Variants in PRKCD observed in about 807,000 individuals in gnomAD.
PRKCD encodes protein kinase C delta.
Under a neutral mutation model 82.2 loss-of-function variants are expected in PRKCD, and 20 were observed. The ratio of observed to expected loss-of-function variants is 0.24; its 90% CI spans 0.17 to 0.35. The LOEUF (loss-of-function observed/expected upper bound fraction) is 0.35, where lower values mean the gene tolerates loss of function less well. Among genes scored for constraint, PRKCD ranks in the 10% least tolerant of loss-of-function variants. The probability of loss-of-function intolerance (pLI) is 1.00; values close to 1 mark genes in which losing one functional copy is unlikely to be tolerated. For missense variants in PRKCD, 607 were observed against 899.0 expected, an observed-to-expected ratio of 0.68 and a Z score of 4.15; for synonymous variants, 317 against 337.0, an observed-to-expected ratio of 0.94 and a Z score of 0.65.
chr3:53,178,371 C>CGGCCGCCT, intron 2 of PRKCD, 33 bp from the exon 3 acceptor site: 3 of 1,505,072 alleles, frequency 2.0e-6, no homozygotes, highest in Non-Finnish European at 2.7e-6. Context: ...TGGTCCCGCC[C>CGGCCGCCT]GGCCGCCTGG....
At chr3:53,172,810 C>A (rs573294055) in intron 2 of PRKCD, among the ~76,000 whole-genome samples, 67 of 152,212 alleles carry the variant, frequency 4.4e-4, no homozygotes, top group Non-Finnish European at 8.5e-4. Flanking sequence ...TCACACACCT[C>A]CCCGCCAGCA....
chr3:53,179,297 T>C (rs1703332323), intron 3 of PRKCD, among the ~76,000 whole-genome samples: 1 of 152,224 alleles, frequency 6.6e-6, no homozygotes, highest in Admixed American at 6.5e-5. Flanking sequence ...GCAGGAGCTG[T>C]CAGCCCATGT....
intron 17 of PRKCD, 101 bp downstream of exon 17, chr3:53,189,347 A>C: frequency 7.8e-7 from 1 of 1,277,004 alleles, no homozygotes; most frequent in East Asian, 2.5e-5. Context: ...CTGGAATGGC[A>C]GCCTCAGTGG....
Position 53,189,897 on chromosome 3 carries a change from A to T in PRKCD, c.1768A>T (p.Arg590Trp). 1 of 1,614,222 alleles carries T rather than the reference A, an allele frequency of 6.2e-7. No individual in the cohort carries two copies. Among genetic ancestry groups the T allele is most frequent in the Non-Finnish European group, 8.5e-7 (1 of 1,180,038 alleles). ...GCTCTTTGAAAGGGAACCAACCAAG[A>T]GGCTGGGAGTGACCGGAAACATCAA... ...EKLFEREPTK[R>W]LGVTGNIKIH... The change falls in exon 18 of 19, where the codon AGG becomes TGG. Residue 590 changes from arginine (R) to tryptophan (W), a missense_variant. Coordinates refer to ENST00000330452, the MANE Select transcript of PRKCD (RefSeq NM_006254.4).
In PRKCD at chr3:53,181,941, C is replaced by T. The variant is rs563235848; in HGVS notation, c.571+209C>T. The T allele has an allele frequency of 1.7e-4, 133 of 765,894 alleles. No homozygotes were observed. In the East Asian group the frequency reaches 2.5e-3, roughly 14 times the overall value. The allele number at this position is 765,894 out of a possible 1,614,324, so 47.4% of individuals were successfully genotyped here. A position where few individuals can be genotyped will look rare whatever the true frequency, so the allele number is the denominator to read the frequency against. On this transcript the variant is annotated intron_variant, in intron 7 of 18. Coordinates refer to ENST00000330452, the MANE Select transcript of PRKCD (RefSeq NM_006254.4). ...AGTTCTGCGCATCTCTTCCCAGCTCCGCATTCAGTGACGGGGAGTTGGTGG... is the reference window on the plus strand; with the variant it reads ...AGTTCTGCGCATCTCTTCCCAGCTCTGCATTCAGTGACGGGGAGTTGGTGG...
intron 4 of PRKCD, 124 bp downstream of exon 4, chr3:53,179,900 C>T: frequency 8.0e-7 from 1 of 1,249,510 alleles, no homozygotes; most frequent in African/African-American, 1.5e-5. Context: ...GAGCACCGGG[C>T]CCTGTGCTGG....
chr3:53,186,169 G>A lies in PRKCD; in HGVS notation c.1089G>A (p.Val363=), dbSNP rs1553669001. The part of the protein sequence containing the change: ...KVLGKGSFGK[V]LLGELKGRGE... ...CAGCACCCGTGTCTCCCCATCAGGT[G>A]CTGCTTGGAGAGCTGAAGGGCAGAG... is the stretch of plus-strand genomic sequence containing the variant. Residue 363 remains valine (V), a splice_region_variant and synonymous_variant, in exon 13 of 19, where the codon GTG becomes GTA. Coordinates refer to ENST00000330452, the MANE Select transcript of PRKCD (RefSeq NM_006254.4). The A allele has an allele frequency of 6.2e-7, 1 of 1,613,540 alleles. No individual in the cohort carries two copies. Among genetic ancestry groups the A allele is most frequent in the Non-Finnish European group, 8.5e-7 (1 of 1,179,682 alleles).
At chr3:53,181,099 G>C in intron 4 of PRKCD, 108 bp from the exon 5 acceptor site, 3 of 1,227,378 alleles carry the variant, frequency 2.4e-6, no homozygotes, top group Non-Finnish European at 2.3e-6. Context: ...AGGCCTTGGG[G>C]GGCTGCCTTG....
Position 53,163,495 on chromosome 3 carries a change from G to T in PRKCD, c.-131-1609G>T, listed in dbSNP as rs116592783. Among the ~76,000 whole-genome samples, 856 of 152,146 alleles carry T rather than the reference G, an allele frequency of 5.6e-3. 7 individuals are homozygous for T. The highest frequency in any genetic ancestry group is 0.019 in the African/African-American group (809 of 41,490). ...CCAAGACCTCGGGCTCTGTACCCAA[G>T]AATTATTTGGGCTCCAATACTTGCT... On this transcript the variant is annotated intron_variant, in intron 1 of 18. Transcript: ENST00000330452.
Position 53,186,182 on chromosome 3 carries a change from C to A in PRKCD, c.1102C>A (p.Leu368Met). 1.2e-6 allele frequency: 2 copies of A among 1,613,912 alleles called. No individual in the cohort carries two copies. Among genetic ancestry groups the A allele is most frequent in the Non-Finnish European group, 1.7e-6 (2 of 1,179,880 alleles). Residue 368 changes from leucine to methionine, a missense_variant, in exon 13 of 19, where the codon CTG (leucine) becomes ATG (methionine). Transcript: ENST00000330452. ...GSFGKVLLGE[L>M]KGRGEYFAIK... ...TCCCCATCAGGTGCTGCTTGGAGAG[C>A]TGAAGGGCAGAGGAGAGTACTTTGC...
intron 8 of PRKCD, 35 bp downstream of exon 8, chr3:53,183,241 G>A: frequency 2.5e-6 from 4 of 1,609,282 alleles, no homozygotes; most frequent in East Asian, 2.2e-5. Context: ...TGGGGATCTG[G>A]GGGGCTTGGC....
chr3:53,165,843 C>T (rs1382234714), intron 2 of PRKCD, among the ~76,000 whole-genome samples: 3 of 152,304 alleles, frequency 2.0e-5, no homozygotes, highest in East Asian at 1.9e-4. Context: ...TCTTTGAATC[C>T]CCTCAGAAAG....
chr3:53,184,090 T>C (rs1364255095), intron 9 of PRKCD, among the ~76,000 whole-genome samples: 1 of 152,092 alleles, frequency 6.6e-6, no homozygotes, highest in African/African-American at 2.4e-5. Flanking sequence ...CCCAGCACTT[T>C]GGGAGGCCGA....
intron 2 of PRKCD, among the ~76,000 whole-genome samples, chr3:53,165,961 C>T (rs1553663781): frequency 1.3e-5 from 2 of 152,150 alleles, no homozygotes; most frequent in East Asian, 1.9e-4. Context: ...ACTGGGTGAC[C>T]GGGCCCCAGT....
In PRKCD at chr3:53,183,164, C is replaced by G. The variant is rs782677594; in HGVS notation, c.615C>G (p.Ile205Met). The G allele has an allele frequency of 6.2e-7, 1 of 1,614,214 alleles. No individual in the cohort carries two copies. Among genetic ancestry groups the G allele is most frequent in the Non-Finnish European group, 8.5e-7 (1 of 1,180,034 alleles). The change falls in exon 8 of 19, where the codon ATC becomes ATG. Residue 205 changes from isoleucine (I) to methionine (M), a missense_variant. Ile to Met is a conservative substitution (Grantham distance 10). Around this residue, in one of 5 missense-constraint regions of PRKCD, gnomAD observed 109 missense variants for 155.6 expected, o/e 0.70. Coordinates refer to ENST00000330452, the MANE Select transcript of PRKCD (RefSeq NM_006254.4). ...ACAAGAAATGCATCGACAAGATCAT[C>G]GGCAGATGCACTGGCACCGCGGCCA... ...AIHKKCIDKI[I>M]GRCTGTAANS...
Position 53,184,722 on chromosome 3 carries a change from T to C in PRKCD, c.788-152T>C, listed in dbSNP as rs139287470. 4.9e-4 allele frequency: 287 copies of C among 584,090 alleles called. 1 individual carries two copies. The highest frequency in any genetic ancestry group is 4.3e-3 in the African/African-American group (223 of 52,190). 36.2% of individuals were successfully genotyped at this position (584,090 alleles called of 1,614,324 possible). A position where few individuals can be genotyped will look rare whatever the true frequency, so the allele number is the denominator to read the frequency against. On this transcript the variant is annotated intron_variant, in intron 9 of 18. Coordinates refer to ENST00000330452, the MANE Select transcript of PRKCD (RefSeq NM_006254.4). ...AGAGAGAGAGAGATCGAAGTATTTA[T>C]GATGGCTTCAGATCAATGTTTTCCT...
At chr3:53,176,007 C>T (rs1021293366) in intron 2 of PRKCD, among the ~76,000 whole-genome samples, 1 of 152,246 alleles carries the variant, frequency 6.6e-6, no homozygotes, top group Non-Finnish European at 1.5e-5. Context: ...CACCCACTCC[C>T]ATGGCTGTAT....
At chr3:53,183,675 C>A in intron 9 of PRKCD, 94 bp downstream of exon 9, 1 of 1,511,504 alleles carries the variant, frequency 6.6e-7, no homozygotes, top group Non-Finnish European at 8.9e-7. Flanking sequence ...CGCCTCCTCA[C>A]CTGGAGACGG....
In PRKCD at chr3:53,186,682, C is replaced by G; in HGVS notation, c.1339C>G (p.Leu447Val). 1 of 1,613,764 alleles carries G rather than the reference C, an allele frequency of 6.2e-7. No individual in the cohort carries two copies. Among genetic ancestry groups the G allele is most frequent in the Middle Eastern group, 1.7e-4 (1 of 6,060 alleles). Residue 447 changes from leucine (L) to valine (V), a missense_variant, in exon 14 of 19, where the codon CTC (leucine) becomes GTC (valine). Leu to Val is a conservative substitution (Grantham distance 32, BLOSUM62 1). Coordinates refer to ENST00000330452, the MANE Select transcript of PRKCD (RefSeq NM_006254.4). ...YHIQDKGRFE[L>V]YRATFYAAEI... is the part of the protein sequence containing the mutation. ...CATCCAGGACAAAGGCCGCTTTGAACTCTACCGTGCCACGTACGTAAGGGC... is the reference window on the plus strand; with the variant it reads ...CATCCAGGACAAAGGCCGCTTTGAAGTCTACCGTGCCACGTACGTAAGGGC...
Sources: gnomAD v4.1 joint callset for allele counts (sites outside exome capture counted in the v4.1 genomes callset) on GRCh38, gnomAD v4.1.1 for gene constraint, gnomAD v4.1.1 regional missense constraint, MANE v1.5 for transcripts, NCBI Gene and HGNC (gene_info 2026-07-23, HGNC 2026-07-21) for gene names.